BRD10: variants seen among roughly 807,000 people sequenced by gnomAD.
The protein encoded by BRD10 is uncharacterized bromodomain-containing protein 10.
chr9:5,887,381 G>A, the BRD10 span, among the ~76,000 whole-genome samples: 1 of 152,182 alleles, frequency 6.6e-6, no homozygotes, highest in Admixed American at 6.5e-5. Flanking sequence ...GATGCCAGCT[G>A]CCTGTTGTCT....
chr9:5,967,766 A>C, the BRD10 span, among the ~76,000 whole-genome samples: 1 of 152,052 alleles, frequency 6.6e-6, no homozygotes. Flanking sequence ...GTAAAAACAT[A>C]ATGTCCAAAC....
At chr9:5,949,240 G>T in the BRD10 span, among the ~76,000 whole-genome samples, 1 of 152,030 alleles carries the variant, frequency 6.6e-6, no homozygotes, top group Non-Finnish European at 1.5e-5. Flanking sequence ...AATGACCTAA[G>T]ATGACACACT....
At chr9:5,943,009 C>G in the BRD10 span, among the ~76,000 whole-genome samples, 2 of 152,140 alleles carry the variant, frequency 1.3e-5, no homozygotes, top group African/African-American at 4.8e-5. Context: ...TCCTTAGAAG[C>G]TGGGACTACA....
At chr9:5,889,550 G>T in the BRD10 span, among the ~76,000 whole-genome samples, 1 of 152,188 alleles carries the variant, frequency 6.6e-6, no homozygotes, top group Non-Finnish European at 1.5e-5. Flanking sequence ...ACTTTGGGAG[G>T]CTGAGGCAGG....
the BRD10 span, among the ~76,000 whole-genome samples, chr9:5,983,114 T>C: frequency 6.6e-6 from 1 of 152,136 alleles, no homozygotes; most frequent in African/African-American, 2.4e-5. Context: ...CTGACCAGAA[T>C]ATTAATAAGG....
At chr9:5,934,729 A>G in the BRD10 span, among the ~76,000 whole-genome samples, 19 of 152,300 alleles carry the variant, frequency 1.2e-4, no homozygotes, top group African/African-American at 4.6e-4. Flanking sequence ...CCCTACAAAA[A>G]GAAGTCTTAT....
the BRD10 span, among the ~76,000 whole-genome samples, chr9:5,926,238 T>G: frequency 6.6e-6 from 1 of 152,172 alleles, no homozygotes; most frequent in Admixed American, 6.5e-5. Context: ...TTATTTTTGC[T>G]ATACATTCTT....
At chr9:5,927,164 T>G in the BRD10 span, among the ~76,000 whole-genome samples, 5 of 152,302 alleles carry the variant, frequency 3.3e-5, no homozygotes, top group South Asian at 1.0e-3. Context: ...TCGGTCTCAG[T>G]TAATGGCTTT....
chr9:5,981,152 T>C, the BRD10 span, among the ~76,000 whole-genome samples: 2 of 152,234 alleles, frequency 1.3e-5, no homozygotes, highest in Non-Finnish European at 2.9e-5. Flanking sequence ...AACCTCACTC[T>C]CAGTCTTCCC....
chr9:5,888,096 G>C, the BRD10 span, among the ~76,000 whole-genome samples: 1 of 152,172 alleles, frequency 6.6e-6, no homozygotes, highest in African/African-American at 2.4e-5. Flanking sequence ...TATGGGAAAG[G>C]GGACCTTAGA....
the BRD10 span, among the ~76,000 whole-genome samples, chr9:5,904,922 C>T: frequency 3.3e-5 from 5 of 151,818 alleles, no homozygotes; most frequent in South Asian, 2.1e-4. Flanking sequence ...TACAGGTGCC[C>T]GCTACCATGC....
the BRD10 span, chr9:5,968,179 CT>C: frequency 6.2e-7 from 1 of 1,609,496 alleles, no homozygotes. Flanking sequence ...TCTTTTTCTT[CT>C]TTTTTGCCCT....
the BRD10 span, chr9:5,919,868 A>G: frequency 6.2e-7 from 1 of 1,613,942 alleles, no homozygotes; most frequent in Non-Finnish European, 8.5e-7. Context: ...CAATTTTTTG[A>G]CAGGTGGGTC....
At chr9:5,955,888 T>C in the BRD10 span, among the ~76,000 whole-genome samples, 7 of 152,176 alleles carry the variant, frequency 4.6e-5, no homozygotes, top group Non-Finnish European at 8.8e-5. Context: ...ATCTCTATAA[T>C]ACAGCTAGTA....
chr9:5,973,011 T>G, the BRD10 span, among the ~76,000 whole-genome samples: 1 of 152,098 alleles, frequency 6.6e-6, no homozygotes, highest in African/African-American at 2.4e-5. Flanking sequence ...AGGAAAATTC[T>G]AAAGAATGTG....
chr9:6,005,461 C>T, the BRD10 span, among the ~76,000 whole-genome samples: 5 of 152,136 alleles, frequency 3.3e-5, no homozygotes, highest in Non-Finnish European at 7.3e-5. Context: ...GCTGAGATCA[C>T]GCCACTGGAC....
the BRD10 span, among the ~76,000 whole-genome samples, chr9:5,887,899 A>T: frequency 2.0e-5 from 3 of 152,142 alleles, no homozygotes; most frequent in African/African-American, 7.2e-5. Flanking sequence ...CTTTACAGAT[A>T]GGCTCTCCCT....
the BRD10 span, chr9:5,924,688 C>T: frequency 3.3e-6 from 5 of 1,531,266 alleles, no homozygotes; most frequent in South Asian, 5.4e-5. Context: ...TCCAGGATAT[C>T]CAGAGGTTCT....
the BRD10 span, chr9:6,007,317 G>A: frequency 4.4e-5 from 71 of 1,613,678 alleles, no homozygotes; most frequent in Non-Finnish European, 5.7e-5. Flanking sequence ...AGTCCGCCAC[G>A]AACTCGGTGA....
Sources: gnomAD v4.1 joint callset for allele counts (sites outside exome capture counted in the v4.1 genomes callset) on GRCh38, gnomAD v4.1.1 for gene constraint, MANE v1.5 for transcripts, NCBI Gene and HGNC (gene_info 2026-07-23, HGNC 2026-07-21) for gene names.